NKAIN1: variants seen among roughly 807,000 people sequenced by gnomAD.
NKAIN1 encodes the protein sodium/potassium-transporting ATPase subunit beta-1-interacting protein 1.
NKAIN1 carries 13 observed loss-of-function variants against 31.6 expected under a neutral mutation model. The observed-to-expected ratio is 0.41, with a 90% CI of 0.27 to 0.65. NKAIN1 has a LOEUF of 0.65. Ranked by LOEUF, NKAIN1 falls within the 30% of genes least tolerant of loss-of-function variation. The pLI is 0.30. For synonymous variants in NKAIN1, 104 were observed against 109.0 expected (o/e 0.95, Z 0.28); for missense variants, 193 against 262.2 (o/e 0.74, Z 1.82).
Position 31,180,342 on chromosome 1 carries a change from T to A in NKAIN1, c.*1361A>T, listed in dbSNP as rs1286264512. 3.3e-5 allele frequency: 5 copies of A among 152,202 alleles called. No homozygotes were observed. The highest frequency in any genetic ancestry group is 5.9e-5 in the Non-Finnish European group (4 of 68,058). The allele number at this position is 152,202 out of a possible 1,614,324, so 9.4% of individuals were successfully genotyped here. A position where few individuals can be genotyped will look rare whatever the true frequency, so the allele number is the denominator to read the frequency against. On this transcript the variant is annotated 3_prime_UTR_variant, in exon 7 of 7. Transcript: ENST00000373736. ...CTCTATGGACGCACCAGGCAGTGCGTGGGATGCAGCGTCCTCAGGAGTGTC... is the reference window on the plus strand; with the variant it reads ...CTCTATGGACGCACCAGGCAGTGCGAGGGATGCAGCGTCCTCAGGAGTGTC...
chr1:31,225,752 C>A (rs1374383049), intron 1 of NKAIN1, among the ~76,000 whole-genome samples: 1 of 152,206 alleles, frequency 6.6e-6, no homozygotes, highest in Non-Finnish European at 1.5e-5. Context: ...CAGATAGAGT[C>A]TTGGGCTATG....
intron 1 of NKAIN1, among the ~76,000 whole-genome samples, chr1:31,195,892 CAAAAA>C (rs35343235): frequency 8.5e-6 from 1 of 118,166 alleles, no homozygotes. Flanking sequence ...CTACCTGTCT[CAAAAA>C]AAAAAAAAAA....
At position 31,181,218 on chromosome 1, in the gene NKAIN1, A is replaced by G. The variant is rs182583866; in HGVS notation, c.*485T>C. The stretch of plus-strand genomic sequence containing the variant: ...TCAGAGAGGGCAAGGGCTTTGCTAG[A>G]CGTCACAGTCAGTGATGGACCTGCG... On this transcript the variant is annotated 3_prime_UTR_variant, in exon 7 of 7. Transcript: ENST00000373736. The G allele has an allele frequency of 8.5e-4, 136 of 159,280 alleles. No homozygotes were observed. The highest frequency in any genetic ancestry group is 6.0e-3 in the Middle Eastern group (2 of 336). The allele number at this position is 159,280 out of a possible 1,614,324, so 9.9% of individuals were successfully genotyped here. A position where few individuals can be genotyped will look rare whatever the true frequency, so the allele number is the denominator to read the frequency against.
At chr1:31,208,841 G>A (rs990440955) in intron 1 of NKAIN1, among the ~76,000 whole-genome samples, 13 of 152,184 alleles carry the variant, frequency 8.5e-5, no homozygotes, top group African/African-American at 3.1e-4. Context: ...ACATGCTGTC[G>A]GACTCTGCGA....
intron 1 of NKAIN1, among the ~76,000 whole-genome samples, chr1:31,198,578 A>C (rs1645349126): frequency 6.6e-6 from 1 of 150,544 alleles, no homozygotes; most frequent in African/African-American, 2.4e-5. Flanking sequence ...ATATCTGGCC[A>C]CTTTTTTCCG....
intron 2 of NKAIN1, among the ~76,000 whole-genome samples, chr1:31,186,221 G>A (rs929612654): frequency 6.6e-6 from 1 of 151,870 alleles, no homozygotes; most frequent in Admixed American, 6.6e-5. Flanking sequence ...AATTAGCCAG[G>A]CATGATGGCA....
At chr1:31,191,195 G>A (rs1410164703) in intron 1 of NKAIN1, among the ~76,000 whole-genome samples, 2 of 152,016 alleles carry the variant, frequency 1.3e-5, no homozygotes, top group African/African-American at 4.8e-5. Flanking sequence ...GGAGGCTGAG[G>A]GAGGAGAATT....
At chr1:31,186,886 G>A (rs1018118751) in intron 2 of NKAIN1, among the ~76,000 whole-genome samples, 4 of 152,234 alleles carry the variant, frequency 2.6e-5, no homozygotes, top group South Asian at 4.1e-4. Context: ...CCCACATCCC[G>A]AATGTGGCCA....
Position 31,227,933 on chromosome 1 carries a change from C to G in NKAIN1, c.54+11561G>C, listed in dbSNP as rs1645620317. Among the ~76,000 whole-genome samples, 3 of 152,272 alleles carry G rather than the reference C, an allele frequency of 2.0e-5. No homozygotes were observed. The South Asian group carries it at 6.2e-4, about 32-fold the overall frequency. ...GGAGGGTTGCCCCACCTTCCTGTCC[C>G]CCTGGCCAGCCCCTCCACTCCAGTG... On this transcript the variant is annotated intron_variant, in intron 1 of 6. Coordinates refer to ENST00000373736, the MANE Select transcript of NKAIN1 (RefSeq NM_024522.3).
At chr1:31,183,426 T>C (rs1474300707) in intron 4 of NKAIN1, among the ~76,000 whole-genome samples, 1 of 143,550 alleles carries the variant, frequency 7.0e-6, no homozygotes, top group Non-Finnish European at 1.5e-5. Context: ...AAGACCTAGG[T>C]TCATTCCCTC....
intron 1 of NKAIN1, among the ~76,000 whole-genome samples, chr1:31,235,727 A>G (rs1162697190): frequency 6.6e-6 from 1 of 152,206 alleles, no homozygotes; most frequent in Non-Finnish European, 1.5e-5. Flanking sequence ...AGCGAGCCAG[A>G]CCAATAATGC....
At chr1:31,234,670 C>A (rs1186111909) in intron 1 of NKAIN1, among the ~76,000 whole-genome samples, 1 of 150,062 alleles carries the variant, frequency 6.7e-6, no homozygotes, top group East Asian at 2.0e-4. Flanking sequence ...CAGAAACAAC[C>A]ATGGCAGTGA....
Position 31,188,055 on chromosome 1 carries a change from T to A in NKAIN1, c.187A>T (p.Ile63Phe). 1 of 1,553,176 alleles carries A rather than the reference T, an allele frequency of 6.4e-7. No individual in the cohort carries two copies. The highest frequency in any genetic ancestry group is 8.7e-7 in the Non-Finnish European group (1 of 1,147,942). Reference sequence around the variant, plus strand: ...AGGGGCTAGGTGAGCCGTACCAGGATGAGGTACCGGGAGCGGTACTGCACG... The same window carrying A: ...AGGGGCTAGGTGAGCCGTACCAGGAAGAGGTACCGGGAGCGGTACTGCACG... ...GTVQYRSRYL[I>F]LYAAWLVLWV... Residue 63 changes from isoleucine to phenylalanine, a missense_variant, in exon 2 of 7, where the codon ATC becomes TTC. Transcript: ENST00000373736.
chr1:31,188,262 G>A lies in NKAIN1; in HGVS notation c.55-75C>T, dbSNP rs1286912383. ...ACAGGGATTCCTGCTTGACCTTGGG[G>A]AGCAGGTGGCACCAGTTACCATGGT... On this transcript the variant is annotated intron_variant, in intron 1 of 6. Coordinates refer to ENST00000373736, the MANE Select transcript of NKAIN1 (RefSeq NM_024522.3). 2.0e-6 allele frequency: 3 copies of A among 1,491,220 alleles called. No individual in the cohort carries two copies. In the African/African-American group the frequency reaches 4.2e-5, roughly 21 times the overall value. 92.4% of individuals were successfully genotyped at this position (1,491,220 alleles called of 1,614,324 possible).
At chr1:31,211,770 G>A (rs988355684) in intron 1 of NKAIN1, among the ~76,000 whole-genome samples, 6 of 151,960 alleles carry the variant, frequency 3.9e-5, no homozygotes, top group African/African-American at 7.2e-5. Context: ...GTGAAATTTC[G>A]TCTCTACTAA....
Position 31,228,728 on chromosome 1 carries a change from G to A in NKAIN1, c.54+10766C>T, listed in dbSNP as rs1356384484. 2.0e-5 allele frequency among the ~76,000 whole-genome samples: 3 copies of A among 152,250 alleles called. No homozygotes were observed. In the East Asian group the frequency reaches 5.8e-4, roughly 29 times the overall value. ...CCTACCACAGCCACCTCAGTAGCTAGGACCACAGGCTGGCACCACCATGGC... is the reference window on the plus strand; with the variant it reads ...CCTACCACAGCCACCTCAGTAGCTAAGACCACAGGCTGGCACCACCATGGC... On this transcript the variant is annotated intron_variant, in intron 1 of 6. Transcript: ENST00000373736.
intron 1 of NKAIN1, among the ~76,000 whole-genome samples, chr1:31,203,419 T>C (rs1451178178): frequency 6.8e-6 from 1 of 148,110 alleles, no homozygotes; most frequent in Non-Finnish European, 1.5e-5. Context: ...GCTACCACGT[T>C]TGAAACGGCG....
At chr1:31,234,848 CT>C (rs1645683135) in intron 1 of NKAIN1, among the ~76,000 whole-genome samples, 1 of 152,184 alleles carries the variant, frequency 6.6e-6, no homozygotes, top group Non-Finnish European at 1.5e-5. Context: ...GGGTGGCTCT[CT>C]GTTCAGACAG....
At chr1:31,234,724 A>G (rs921268465) in intron 1 of NKAIN1, among the ~76,000 whole-genome samples, 5 of 152,180 alleles carry the variant, frequency 3.3e-5, no homozygotes, top group Non-Finnish European at 7.3e-5. Flanking sequence ...GGCACTACAC[A>G]TGAGGCTATC....
Sources: gnomAD v4.1 joint callset for allele counts (sites outside exome capture counted in the v4.1 genomes callset) on GRCh38, gnomAD v4.1.1 for gene constraint, MANE v1.5 for transcripts, NCBI Gene and HGNC (gene_info 2026-07-23, HGNC 2026-07-21) for gene names.